CRB2: variants seen among roughly 807,000 people sequenced by gnomAD.
CRB2 encodes the protein protein crumbs homolog 2.
CRB2 carries 85 observed loss-of-function variants against 110.9 expected under a neutral mutation model. The ratio of observed to expected loss-of-function variants is 0.77; its 90% CI spans 0.64 to 0.92. The LOEUF is 0.92. Ranked by LOEUF, CRB2 falls within the 40% of genes least tolerant of loss-of-function variation. The pLI, the probability that CRB2 is intolerant of heterozygous loss-of-function variation, is 0.00. For missense variants in CRB2, 1,843 were observed against 1,851.3 expected (o/e 1.00, Z 0.08); for synonymous variants, 907 against 831.0 (o/e 1.09, Z -1.57).
chr9:123,367,230 G>A lies in CRB2; in HGVS notation c.813G>A (p.Gln271=). ...ACGAGTGTGCATCGAGCCCCTGCCA[G>A]CATGGGGGCCGATGCCTGCAGCGCT... The part of the protein sequence containing the change: ...DEDECASSPC[Q]HGGRCLQRSD... Residue 271 remains glutamine, a synonymous_variant, in exon 5 of 13, where the codon CAG becomes CAA. Coordinates refer to ENST00000373631, the MANE Select transcript of CRB2 (RefSeq NM_173689.7). The A allele has an allele frequency of 6.3e-7, 1 of 1,598,592 alleles. No individual in the cohort carries two copies. Among genetic ancestry groups the A allele is most frequent in the Non-Finnish European group, 8.5e-7 (1 of 1,177,604 alleles).
At position 123,372,302 on chromosome 9, in the gene CRB2, C is replaced by G; in HGVS notation, c.2562C>G (p.Leu854=). 1 of 1,610,844 alleles carries G rather than the reference C, an allele frequency of 6.2e-7. No homozygotes were observed. Among genetic ancestry groups the G allele is most frequent in the Non-Finnish European group, 8.5e-7 (1 of 1,178,284 alleles). The change falls in exon 9 of 13, where the codon CTC becomes CTG. Residue 854 remains leucine, a synonymous_variant. Coordinates refer to ENST00000373631, the MANE Select transcript of CRB2 (RefSeq NM_173689.7). ...TGTGGTGTCCCGGCCAGCCCTGTCTCCCACCTGCCACGTGTGAGGAGGTCC... is the reference window on the plus strand; with the variant it reads ...TGTGGTGTCCCGGCCAGCCCTGTCTGCCACCTGCCACGTGTGAGGAGGTCC... The part of the protein sequence containing the change: ...QQLWCPGQPC[L]PPATCEEVPD...
chr9:123,376,936 G>A lies in CRB2; in HGVS notation c.3732G>A (p.Gly1244=). 6.2e-7 allele frequency: 1 copy of A among 1,607,334 alleles called. No individual in the cohort carries two copies. The highest frequency in any genetic ancestry group is 8.5e-7 in the Non-Finnish European group (1 of 1,178,042). ...LLLLLLGLLS[G]ILAARKRRQS... Reference sequence around the variant, plus strand: ...TCCTCCTCCTGGGCCTCCTTTCAGGGATCCTGGCAGCCCGAAAGCGCCGCC... The same window carrying A: ...TCCTCCTCCTGGGCCTCCTTTCAGGAATCCTGGCAGCCCGAAAGCGCCGCC... The change falls in exon 13 of 13, where the codon GGG becomes GGA. Residue 1244 remains glycine, a synonymous_variant. Coordinates refer to ENST00000373631, the MANE Select transcript of CRB2 (RefSeq NM_173689.7).
At chr9:123,354,179 C>G (rs575153008), upstream of CRB2, among the ~76,000 whole-genome samples, 1 of 152,226 alleles carries the variant, frequency 6.6e-6, no homozygotes, top group African/African-American at 2.4e-5. Context: ...CCGGTGCTGT[C>G]GGGGGAGCCC....
intron 2 of CRB2, among the ~76,000 whole-genome samples, chr9:123,363,813 TGGCCCGTCCCA>T (rs923188166): frequency 7.9e-5 from 12 of 152,206 alleles, no homozygotes; most frequent in African/African-American, 2.9e-4. Context: ...CTCCAGAGTG[TGGCCCGTCCCA>T]GGCCCACCCA....
At chr9:123,374,057 GTTTAA>G in intron 10 of CRB2, 137 bp downstream of exon 10, 3 of 1,115,252 alleles carry the variant, frequency 2.7e-6, no homozygotes, top group Admixed American at 2.0e-5. Flanking sequence ...GAGGAGGACA[GTTTAA>G]TTTGATAAAT....
At chr9:123,368,358 T>C (rs72755150) in intron 6 of CRB2, among the ~76,000 whole-genome samples, 40 of 151,396 alleles carry the variant, frequency 2.6e-4, no homozygotes, top group Non-Finnish European at 5.0e-4. Context: ...CAGCCCTGGA[T>C]GGCTGACACT....
Position 123,370,397 on chromosome 9 carries a change from C to T in CRB2, c.1344C>T (p.Pro448=). The change falls in exon 7 of 13, where the codon CCC becomes CCT. Residue 448 remains proline (P), a synonymous_variant. Coordinates refer to ENST00000373631, the MANE Select transcript of CRB2 (RefSeq NM_173689.7). ...CCTTCTCTGTGATGGCTGGGAGCCC[C>T]ATTCAGGCATCAGTGCCAGCTGGTG... ...NTTFSVMAGS[P]IQASVPAGGP... is the part of the protein sequence containing the mutation. 1.9e-6 allele frequency: 3 copies of T among 1,613,700 alleles called. No homozygotes were observed. Among genetic ancestry groups the T allele is most frequent in the East Asian group, 2.2e-5 (1 of 44,892 alleles).
Position 123,377,357 on chromosome 9 carries a change from T to C in CRB2, c.*295T>C, listed in dbSNP as rs910581909. On this transcript the variant is annotated 3_prime_UTR_variant, in exon 13 of 13. Coordinates refer to ENST00000373631, the MANE Select transcript of CRB2 (RefSeq NM_173689.7). ...TTCACAGTGTGTTCAGGAGTGTGTGTATCTGGAGGAGTGTGTGTGTGAGTG... is the reference window on the plus strand; with the variant it reads ...TTCACAGTGTGTTCAGGAGTGTGTGCATCTGGAGGAGTGTGTGTGTGAGTG... The C allele has an allele frequency of 8.0e-6, 3 of 373,230 alleles. No individual in the cohort carries two copies. Among genetic ancestry groups the C allele is most frequent in the African/African-American group, 2.1e-5 (1 of 48,518 alleles). 23.1% of individuals were successfully genotyped at this position (373,230 alleles called of 1,614,324 possible). A position where few individuals can be genotyped will look rare whatever the true frequency, so the allele number is the denominator to read the frequency against.
chr9:123,366,314 C>G lies in CRB2; in HGVS notation c.702C>G (p.His234Gln). 2 of 1,537,712 alleles carry G rather than the reference C, an allele frequency of 1.3e-6. No homozygotes were observed. The highest frequency in any genetic ancestry group is 1.7e-6 in the Non-Finnish European group (2 of 1,154,828). ...AGTGCGCATCGGCGCCCTGCGAGCA[C>G]AACGCGTCCTGCCTCGAGGGCCTCG... ...VLECASAPCE[H>Q]NASCLEGLGS... Residue 234 changes from histidine (H) to glutamine (Q), a missense_variant, in exon 4 of 13, where the codon CAC becomes CAG. Transcript: ENST00000373631.
downstream of CRB2, among the ~76,000 whole-genome samples, chr9:123,379,087 G>A (rs1462024866): frequency 6.8e-6 from 1 of 147,492 alleles, no homozygotes; most frequent in East Asian, 2.1e-4. Flanking sequence ...TGACAGGTGT[G>A]AGCCACCGCG....
At position 123,371,165 on chromosome 9, in the gene CRB2, C is replaced by T. The variant is rs751980613; in HGVS notation, c.2023C>T (p.Leu675Phe). Residue 675 changes from leucine to phenylalanine, a missense_variant, in exon 8 of 13, where the codon CTT (leucine) becomes TTT (phenylalanine). Transcript: ENST00000373631. ...AGGTCCCAACCTCACAGTGTCTTTC[C>T]TTCTCCGCACTCGGGAGTCCGCTGG... ...LPGPNLTVSF[L>F]LRTRESAGLL... The T allele has an allele frequency of 3.7e-6, 6 of 1,613,810 alleles. No individual in the cohort carries two copies. Among genetic ancestry groups the T allele is most frequent in the Non-Finnish European group, 5.1e-6 (6 of 1,180,034 alleles).
Position 123,359,440 on chromosome 9 carries a change from TG to T in CRB2, c.94+3087del, listed in dbSNP as rs66771590. Reference sequence around the variant, plus strand: ...TGTTTGTGGTTTTTCGTTTTTGTTTTGTTTTTTTTTTTTTTTTTTTTTTTTT... The same window carrying T: ...TGTTTGTGGTTTTTCGTTTTTGTTTTTTTTTTTTTTTTTTTTTTTTTTTTT... On this transcript the variant is annotated intron_variant, in intron 1 of 12. Transcript: ENST00000373631. 7.2e-3 allele frequency among the ~76,000 whole-genome samples: 472 copies of T among 65,798 alleles called. 28 individuals carry two copies. The highest frequency in any genetic ancestry group is 0.02 in the African/African-American group (368 of 18,166). The allele number at this position is 65,798 out of a possible 152,430, so 43.2% of individuals were successfully genotyped here. A position where few individuals can be genotyped will look rare whatever the true frequency, so the allele number is the denominator to read the frequency against.
rs776946206 is a variant in CRB2, at chr9:123,376,831, C to T, written c.3634-7C>T. 1.9e-6 allele frequency: 3 copies of T among 1,603,154 alleles called. No homozygotes were observed. Among genetic ancestry groups the T allele is most frequent in the Non-Finnish European group, 8.5e-7 (1 of 1,176,862 alleles). The stretch of plus-strand genomic sequence containing the variant: ...GGTCTTAGGCCTCGGTGTCGTGTCT[C>T]TTGCAGAAGGGCCTGCCCCTGCCGC... On this transcript the variant is annotated splice_region_variant and splice_polypyrimidine_tract_variant and intron_variant, in intron 12 of 12. Transcript: ENST00000373631.
chr9:123,368,782 C>T (rs753672719), intron 6 of CRB2: 23 of 1,171,708 alleles, frequency 2.0e-5, no homozygotes, highest in Non-Finnish European at 2.5e-5. Context: ...GCCTGGCATT[C>T]CTGAGCAGGC....
chr9:123,356,187 C>T (rs937725985), upstream of CRB2: 18 of 1,038,874 alleles, frequency 1.7e-5, no homozygotes, highest in African/African-American at 3.3e-5. Context: ...GTTGGAGGGA[C>T]GAGGGGGGTG....
rs1246622122 is a variant in CRB2, at chr9:123,373,884, G to A, written c.3353G>A (p.Cys1118Tyr). 1 of 1,548,488 alleles carries A rather than the reference G, an allele frequency of 6.5e-7. No homozygotes were observed. Among genetic ancestry groups the A allele is most frequent in the Non-Finnish European group, 8.7e-7 (1 of 1,149,358 alleles). ...CHTHPDGRFE[C>Y]RCPPGFGGPR... ...ACGCACCCCGACGGCCGCTTCGAGT[G>A]CCGCTGCCCGCCTGGCTTCGGGGGC... is the stretch of plus-strand genomic sequence containing the variant. Residue 1118 changes from cysteine to tyrosine, a missense_variant, in exon 10 of 13, where the codon TGC (cysteine) becomes TAC (tyrosine). Cys to Tyr is a radical substitution (Grantham distance 194). Coordinates refer to ENST00000373631, the MANE Select transcript of CRB2 (RefSeq NM_173689.7).
rs1564380957 is a variant in CRB2, at chr9:123,377,150, A to C, written c.*88A>C. On this transcript the variant is annotated 3_prime_UTR_variant, in exon 13 of 13. Coordinates refer to ENST00000373631, the MANE Select transcript of CRB2 (RefSeq NM_173689.7). ...GGAAGCTGCTTCCAGGGCTCGGGAC[A>C]TTGCTACGGAAGTGTCCCCTTGGCT... is the stretch of plus-strand genomic sequence containing the variant. The C allele has an allele frequency of 8.1e-7, 1 of 1,227,230 alleles. No homozygotes were observed. The highest frequency in any genetic ancestry group is 1.1e-6 in the Non-Finnish European group (1 of 898,262). 76.0% of individuals were successfully genotyped at this position (1,227,230 alleles called of 1,614,324 possible). A position where few individuals can be genotyped will look rare whatever the true frequency, so the allele number is the denominator to read the frequency against.
chr9:123,374,050 G>A, intron 10 of CRB2, 130 bp downstream of exon 10: 1 of 1,156,964 alleles, frequency 8.6e-7, no homozygotes, highest in Non-Finnish European at 1.3e-6. Context: ...GTGACATGAG[G>A]AGGACAGTTT....
In CRB2 at chr9:123,366,090, A is replaced by G; in HGVS notation, c.592A>G (p.Thr198Ala). The change falls in exon 3 of 13, where the codon ACG (threonine) becomes GCG (alanine). Residue 198 changes from threonine (T) to alanine (A), a missense_variant. By Grantham distance (58) the Thr-to-Ala change is moderately conservative. Transcript: ENST00000373631. ...CQSQPCAHGG[T>A]CHDLVNGFRC... ...GAGCCAGCCGTGCGCACATGGGGGC[A>G]CGTGCCACGACCTGGTCAACGGGTG... The G allele has an allele frequency of 6.5e-7, 1 of 1,532,286 alleles. No individual in the cohort carries two copies. The highest frequency in any genetic ancestry group is 1.2e-5 in the South Asian group (1 of 83,206). The allele number at this position is 1,532,286 out of a possible 1,614,324, so 94.9% of individuals were successfully genotyped here.
Sources: allele counts gnomAD v4.1 joint callset (sites outside exome capture counted in the v4.1 genomes callset), GRCh38; gene constraint gnomAD v4.1.1; transcripts MANE v1.5; gene names NCBI Gene and HGNC (gene_info 2026-07-23, HGNC 2026-07-21).